The following PCSK9 variants were observed in gnomAD, a reference collection of about 807,000 sequenced individuals.
PCSK9 encodes the protein proprotein convertase subtilisin/kexin type 9.
In PCSK9, 57 loss-of-function variants were observed where a neutral mutation model predicts 62.1. The ratio of observed to expected loss-of-function variants is 0.92; its 90% CI spans 0.74 to 1.14. The LOEUF (loss-of-function observed/expected upper bound fraction) is 1.14. Ranked by LOEUF, PCSK9 falls within the 50% of genes most tolerant of loss-of-function variation. The probability of loss-of-function intolerance (pLI) is 0.00; values close to 1 mark genes in which losing one functional copy is unlikely to be tolerated. For synonymous variants in PCSK9, 387 were observed against 409.4 expected (o/e 0.95, Z 0.66); for missense variants, 870 against 959.8 (o/e 0.91, Z 1.24).
intron 3 of PCSK9, 109 bp downstream of exon 3, chr1:55,046,755 A>T (rs1644638316): frequency 1.5e-6 from 2 of 1,310,972 alleles, no homozygotes; most frequent in Admixed American, 1.9e-5. Flanking sequence ...GGGCTTTGGG[A>T]CTCAGCACCT....
chr1:55,057,573 G>C, intron 7 of PCSK9, 59 bp downstream of exon 7: 2 of 1,548,350 alleles, frequency 1.3e-6, no homozygotes, highest in Non-Finnish European at 1.7e-6. Context: ...TTGGCAGTCA[G>C]GGTCTGTGCC....
At chr1:55,056,299 C>A in intron 6 of PCSK9, 110 bp downstream of exon 6, 2 of 1,217,084 alleles carry the variant, frequency 1.6e-6, no homozygotes, top group South Asian at 2.0e-5. Flanking sequence ...CTTCTTGTGG[C>A]ACGTTCCTGG....
At chr1:55,053,456 T>C (rs986963640) in intron 5 of PCSK9, among the ~76,000 whole-genome samples, 53 of 152,154 alleles carry the variant, frequency 3.5e-4, no homozygotes, top group African/African-American at 1.3e-3. Context: ...AGCTGCTAAA[T>C]AGTTGACGAA....
In PCSK9 at chr1:55,058,665, TCGTGTGTGTGTG is replaced by T; in HGVS notation, c.1503+19_1503+30del. ...GCATGGAGGTGACTGTACCCCTCCT[TCGTGTGTGTGTG>T]TGTGTGTGTGTGTGTGTGTGTGTGT... On this transcript the variant is annotated intron_variant, in intron 9 of 11. Transcript: ENST00000302118. 1 of 1,575,808 alleles carries T rather than the reference TCGTGTGTGTGTG, an allele frequency of 6.3e-7. No individual in the cohort carries two copies. The highest frequency in any genetic ancestry group is 8.6e-7 in the Non-Finnish European group (1 of 1,165,842).
chr1:55,043,702 C>A, intron 1 of PCSK9, 141 bp from the exon 2 acceptor site: 2 of 988,288 alleles, frequency 2.0e-6, no homozygotes, highest in Non-Finnish European at 3.0e-6. Context: ...CTTTTTGGTC[C>A]GCATTTGGTA....
At chr1:55,042,715 G>A (rs1367786360) in intron 1 of PCSK9, among the ~76,000 whole-genome samples, 1 of 152,214 alleles carries the variant, frequency 6.6e-6, no homozygotes, top group African/African-American at 2.4e-5. Context: ...CTGCCTGAGA[G>A]CAGTTGGAGC....
rs1644780749 is a variant in PCSK9, at chr1:55,063,708, C to T, written c.*124C>T. On this transcript the variant is annotated 3_prime_UTR_variant, in exon 12 of 12. Transcript: ENST00000302118. ...GCACGAGGGGATGGGGATGCTTCCGCCTTTCCGGGGCTGCTGGCCTGGCCC... is the reference window on the plus strand; with the variant it reads ...GCACGAGGGGATGGGGATGCTTCCGTCTTTCCGGGGCTGCTGGCCTGGCCC... 2.5e-6 allele frequency: 3 copies of T among 1,189,302 alleles called. No individual in the cohort carries two copies. The highest frequency in any genetic ancestry group is 2.9e-4 in the Middle Eastern group (1 of 3,404). 73.7% of individuals were successfully genotyped at this position (1,189,302 alleles called of 1,614,324 possible). A position where few individuals can be genotyped will look rare whatever the true frequency, so the allele number is the denominator to read the frequency against.
intron 11 of PCSK9, among the ~76,000 whole-genome samples, chr1:55,062,240 C>CT (rs1437609366): frequency 2.6e-5 from 4 of 152,252 alleles, no homozygotes; most frequent in Non-Finnish European, 5.9e-5. Flanking sequence ...CCAGTAGGAG[C>CT]TCCTCAAAAG....
intron 11 of PCSK9, among the ~76,000 whole-genome samples, chr1:55,062,687 C>T (rs778486544): frequency 1.3e-4 from 20 of 152,060 alleles, no homozygotes; most frequent in Non-Finnish European, 2.1e-4. Flanking sequence ...TACCAGGAAA[C>T]CAGAGAGGTG....
In PCSK9 at chr1:55,040,160, C is replaced by T. The variant is rs1644588387; in HGVS notation, c.207+116C>T. The T allele has an allele frequency of 3.0e-6, 4 of 1,351,492 alleles. No individual in the cohort carries two copies. The highest frequency in any genetic ancestry group is 2.7e-5 in the South Asian group (2 of 73,638). The allele number at this position is 1,351,492 out of a possible 1,614,324, so 83.7% of individuals were successfully genotyped here. On this transcript the variant is annotated intron_variant, in intron 1 of 11. Coordinates refer to ENST00000302118, the MANE Select transcript of PCSK9 (RefSeq NM_174936.4). This position sits in a 1 kb window ranked among gnomAD's most constrained non-coding sequence, Gnocchi z 4.1. Reference sequence around the variant, plus strand: ...AGAGAGGAAGTGGAGTGCAGGTCGCCGAGGGCTCTTCGCTTGGCACGATCT... The same window carrying T: ...AGAGAGGAAGTGGAGTGCAGGTCGCTGAGGGCTCTTCGCTTGGCACGATCT...
chr1:55,057,059 G>A (rs1644720681), intron 6 of PCSK9, among the ~76,000 whole-genome samples: 1 of 59,976 alleles, frequency 1.7e-5, no homozygotes, highest in African/African-American at 5.8e-5. Flanking sequence ...TTGATACACC[G>A]AATAGTTTCC....
intron 3 of PCSK9, among the ~76,000 whole-genome samples, chr1:55,046,962 C>T (rs1644639541): frequency 6.6e-6 from 1 of 152,170 alleles, no homozygotes. Context: ...CTGATGGTGA[C>T]TCTACCTAGG....
chr1:55,059,789 C>A, intron 10 of PCSK9, 126 bp downstream of exon 10: 1 of 1,226,488 alleles, frequency 8.2e-7, no homozygotes, highest in Non-Finnish European at 1.1e-6. Flanking sequence ...GTTCCATACT[C>A]TGGTTCTGCC....
chr1:55,058,861 G>A (rs577832979), intron 9 of PCSK9, among the ~76,000 whole-genome samples: 4 of 152,278 alleles, frequency 2.6e-5, no homozygotes, highest in Non-Finnish European at 5.9e-5. Context: ...GAGCCACAGC[G>A]GGAAGGGTTT....
intron 7 of PCSK9, 90 bp downstream of exon 7, chr1:55,057,604 C>T (rs1644725316): frequency 4.8e-6 from 7 of 1,444,408 alleles, no homozygotes; most frequent in Non-Finnish European, 4.7e-6. Context: ...GTGCCAGGCT[C>T]TGTGCAGGGG....
intron 3 of PCSK9, among the ~76,000 whole-genome samples, chr1:55,049,255 A>G (rs1487408354): frequency 6.6e-6 from 1 of 152,210 alleles, no homozygotes; most frequent in Non-Finnish European, 1.5e-5. Context: ...GTGAGGCAGG[A>G]GGGAGTGTGG....
chr1:55,058,260 G>A (rs1479537094), intron 8 of PCSK9, 51 bp downstream of exon 8: 4 of 1,585,458 alleles, frequency 2.5e-6, no homozygotes, highest in Non-Finnish European at 2.6e-6. Context: ...TGGGAGGTCT[G>A]TGTGACCTTG....
rs45573036 is a variant in PCSK9 at position 55,056,240 on chromosome 1, A to G, written c.996+51A>G. 4 of 34,720 alleles carry G rather than the reference A, an allele frequency of 1.2e-4. No individual in the cohort carries two copies. Among genetic ancestry groups the G allele is most frequent in the East Asian group, 4.1e-4 (1 of 2,464 alleles). 2.2% of individuals were successfully genotyped at this position (34,720 alleles called of 1,614,324 possible). On this transcript the variant is annotated intron_variant, in intron 6 of 11. Transcript: ENST00000302118. ...GGCGCGGGTAGGGGGCGGAGGGCGG[A>G]GGGCGGAGGGAGGGCGGGCGGGCAG...
chr1:55,051,435 G>T (rs1644672727), intron 3 of PCSK9: 3 of 334,318 alleles, frequency 9.0e-6, no homozygotes, highest in Non-Finnish European at 1.8e-5. Context: ...GAGTTTCTGA[G>T]ACCTGCGCTG....
Sources: gnomAD v4.1 joint callset for allele counts (sites outside exome capture counted in the v4.1 genomes callset) on GRCh38, gnomAD v4.1.1 for gene constraint, Gnocchi (gnomAD v3.1) non-coding constraint, MANE v1.5 for transcripts, NCBI Gene and HGNC (gene_info 2026-07-23, HGNC 2026-07-21) for gene names.